LHX8: variants seen among roughly 807,000 people sequenced by gnomAD.
LHX8 encodes the protein LIM homeobox 8.
A neutral mutation model predicts 40.3 loss-of-function variants in LHX8; 12 were observed. The ratio of observed to expected loss-of-function variants is 0.30; its 90% CI spans 0.19 to 0.48. The LOEUF (loss-of-function observed/expected upper bound fraction) is 0.48. LHX8 is among the 20% of genes least tolerant of loss of function. The pLI, the probability that LHX8 is intolerant of heterozygous loss-of-function variation, is 0.99. For synonymous variants in LHX8, 179 were observed against 162.0 expected, an observed-to-expected ratio of 1.10 and a Z score of -0.80; for missense variants, 344 against 433.7, an observed-to-expected ratio of 0.79 and a Z score of 1.84.
chr1:75,185,413 T>A, the LHX8 span, among the ~76,000 whole-genome samples: 2 of 151,696 alleles, frequency 1.3e-5, no homozygotes, highest in African/African-American at 4.8e-5. Flanking sequence ...CAAGATCAAG[T>A]AGGCTTTATC....
At chr1:75,179,963 G>A in the LHX8 span, among the ~76,000 whole-genome samples, 1 of 152,072 alleles carries the variant, frequency 6.6e-6, no homozygotes, top group South Asian at 2.1e-4. Flanking sequence ...TAGTTTAGCT[G>A]GATATGAAAT....
intron 6 of LHX8, among the ~76,000 whole-genome samples, chr1:75,147,497 C>T (rs1173373160): frequency 6.6e-6 from 1 of 152,154 alleles, no homozygotes; most frequent in Non-Finnish European, 1.5e-5. Context: ...TACCCTGTGA[C>T]AAGTGCAGTG....
At position 75,143,312 on chromosome 1, in the gene LHX8, A is replaced by G. The variant is rs1355523653; in HGVS notation, c.554A>G (p.Asp185Gly). 6.2e-7 allele frequency: 1 copy of G among 1,611,386 alleles called. No individual in the cohort carries two copies. Among genetic ancestry groups the G allele is most frequent in the Admixed American group, 1.7e-5 (1 of 59,946 alleles). The change falls in exon 5 of 9, where the codon GAT becomes GGT. Residue 185 changes from aspartate to glycine, a missense_variant. Physicochemically the swap from Asp to Gly is moderately conservative, Grantham distance 94. This residue lies in a region of LHX8 where 147 missense variants were observed against 250.8 expected (regional missense o/e 0.59). Coordinates refer to ENST00000356261, the MANE Select transcript of LHX8 (RefSeq NM_001256114.2). ...LCRVHYDCML[D>G]NLKREVENGN... is the part of the protein sequence containing the mutation. Reference sequence around the variant, plus strand: ...AGAGTACATTATGACTGCATGCTGGATAATTTAAAAAGAGAAGTAGAAAAT... The same window carrying G: ...AGAGTACATTATGACTGCATGCTGGGTAATTTAAAAAGAGAAGTAGAAAAT...
chr1:75,162,873 A>G (rs1214855000), downstream of LHX8, among the ~76,000 whole-genome samples: 1 of 152,198 alleles, frequency 6.6e-6, no homozygotes, highest in East Asian at 1.9e-4. Flanking sequence ...ATGTGAGCAC[A>G]ATACTTACTT....
chr1:75,160,426 T>G (rs2100366512), intron 8 of LHX8: 1 of 243,598 alleles, frequency 4.1e-6, no homozygotes, highest in African/African-American at 2.3e-5. Context: ...TGATGTATGC[T>G]TAGGGAGGAG....
At chr1:75,142,349 C>T (rs763152036) in intron 4 of LHX8, among the ~76,000 whole-genome samples, 52 of 152,122 alleles carry the variant, frequency 3.4e-4, no homozygotes, top group African/African-American at 7.5e-4. Flanking sequence ...TGCAGGGCCA[C>T]GACTGTGATT....
intron 7 of LHX8, among the ~76,000 whole-genome samples, chr1:75,150,543 A>G (rs1376251580): frequency 6.6e-6 from 1 of 152,180 alleles, no homozygotes; most frequent in Non-Finnish European, 1.5e-5. Context: ...AATGGGACGT[A>G]GTAACAGCCA....
the LHX8 span, among the ~76,000 whole-genome samples, chr1:75,168,053 CTT>C: frequency 3.3e-5 from 5 of 152,162 alleles, no homozygotes; most frequent in African/African-American, 4.8e-5. Flanking sequence ...GCTGCAGAGT[CTT>C]TTTATTTCTC....
chr1:75,153,455 CAGGCT>C (rs926121023), intron 7 of LHX8, among the ~76,000 whole-genome samples: 1 of 151,812 alleles, frequency 6.6e-6, no homozygotes, highest in Non-Finnish European at 1.5e-5. Flanking sequence ...CTCTGTTGCC[CAGGCT>C]AGAGTGCAAT....
the LHX8 span, among the ~76,000 whole-genome samples, chr1:75,175,746 A>T: frequency 6.6e-6 from 1 of 152,054 alleles, no homozygotes; most frequent in Non-Finnish European, 1.5e-5. Context: ...ATATGTATAC[A>T]TGTTCTGTGT....
chr1:75,159,899 A>T (rs1355728551), intron 8 of LHX8: 1 of 152,168 alleles, frequency 6.6e-6, no homozygotes, highest in Non-Finnish European at 1.5e-5. Context: ...TTTTTGTTTT[A>T]CTACTCCTTG....
chr1:75,177,344 T>C, the LHX8 span, among the ~76,000 whole-genome samples: 1 of 152,228 alleles, frequency 6.6e-6, no homozygotes, highest in Non-Finnish European at 1.5e-5. Flanking sequence ...TCTTCTTTTA[T>C]TTCGTTGATC....
At chr1:75,146,931 T>C (rs1171210795) in intron 6 of LHX8, among the ~76,000 whole-genome samples, 3 of 152,180 alleles carry the variant, frequency 2.0e-5, no homozygotes, top group African/African-American at 7.2e-5. Context: ...TTATTAATAA[T>C]GACCTTACAA....
rs139225552 is a variant in LHX8 at position 75,155,513 on chromosome 1, A to C, written c.781-1380A>C. 5.8e-3 allele frequency among the ~76,000 whole-genome samples: 876 copies of C among 152,122 alleles called. 5 individuals carry two copies. Among genetic ancestry groups the C allele is most frequent in the African/African-American group, 0.017 (725 of 41,538 alleles). Reference sequence around the variant, plus strand: ...CCTCCCAAAGTGCTGGGATTACAGGAGTGAGCCACTGCGCCCGGCCCATGA... The same window carrying C: ...CCTCCCAAAGTGCTGGGATTACAGGCGTGAGCCACTGCGCCCGGCCCATGA... On this transcript the variant is annotated intron_variant, in intron 7 of 8. Transcript: ENST00000356261.
At chr1:75,182,630 C>G in the LHX8 span, among the ~76,000 whole-genome samples, 1 of 152,178 alleles carries the variant, frequency 6.6e-6, no homozygotes, top group African/African-American at 2.4e-5. Flanking sequence ...ACCTCGGCCT[C>G]CCAAAGTGCT....
At chr1:75,149,130 T>TCAGTG (rs1648539565) in intron 7 of LHX8, among the ~76,000 whole-genome samples, 1 of 152,188 alleles carries the variant, frequency 6.6e-6, no homozygotes, top group South Asian at 2.1e-4. Flanking sequence ...TGCTCTAAGG[T>TCAGTG]CAGTGTTTTT....
chr1:75,155,679 C>T (rs994608062), intron 7 of LHX8, among the ~76,000 whole-genome samples: 1 of 152,298 alleles, frequency 6.6e-6, no homozygotes, highest in East Asian at 1.9e-4. Context: ...GAATTTGCTT[C>T]TTTTATTTCT....
chr1:75,192,024 C>T, the LHX8 span, among the ~76,000 whole-genome samples: 1 of 152,194 alleles, frequency 6.6e-6, no homozygotes, highest in African/African-American at 2.4e-5. Context: ...CCTATCTCCA[C>T]CACTGATGAG....
chr1:75,192,396 A>C, the LHX8 span, among the ~76,000 whole-genome samples: 1 of 152,158 alleles, frequency 6.6e-6, no homozygotes, highest in Non-Finnish European at 1.5e-5. Flanking sequence ...TATCTCCTTG[A>C]ACCCAATTCC....
Sources: gnomAD v4.1 joint callset for allele counts (sites outside exome capture counted in the v4.1 genomes callset) on GRCh38, gnomAD v4.1.1 for gene constraint, gnomAD v4.1.1 regional missense constraint, MANE v1.5 for transcripts, NCBI Gene and HGNC (gene_info 2026-07-23, HGNC 2026-07-21) for gene names.